Variants in FAM81A observed in about 807,000 individuals in gnomAD.
FAM81A encodes the protein protein FAM81A.
In FAM81A, 19 loss-of-function variants were observed where a neutral mutation model predicts 46.7. The observed-to-expected ratio is 0.41, with a 90% CI of 0.28 to 0.60. The LOEUF (loss-of-function observed/expected upper bound fraction) is 0.60. Ranked by LOEUF, FAM81A falls within the 20% of genes least tolerant of loss-of-function variation. The pLI is 0.34. For missense variants in FAM81A, 377 were observed against 453.5 expected, an observed-to-expected ratio of 0.83 and a Z score of 1.53; for synonymous variants, 183 against 152.9, an observed-to-expected ratio of 1.20 and a Z score of -1.45.
At chr15:59,467,186 T>G (rs750212874) in intron 3 of FAM81A, among the ~76,000 whole-genome samples, 1 of 152,256 alleles carries the variant, frequency 6.6e-6, no homozygotes. Context: ...TCTTGGCAAT[T>G]CAGGCTCTTT....
chr15:59,496,007 A>C (rs1257852644), intron 4 of FAM81A, among the ~76,000 whole-genome samples: 1 of 152,158 alleles, frequency 6.6e-6, no homozygotes, highest in Non-Finnish European at 1.5e-5. Flanking sequence ...GAAACTTAAA[A>C]ATTTTTAATC....
At chr15:59,442,734 G>C (rs1376419640) in intron 1 of FAM81A, among the ~76,000 whole-genome samples, 1 of 150,732 alleles carries the variant, frequency 6.6e-6, no homozygotes, top group African/African-American at 2.4e-5. Flanking sequence ...TACCACACTT[G>C]TTTTACCTTT....
At chr15:59,452,412 C>T (rs539245635) in intron 1 of FAM81A, among the ~76,000 whole-genome samples, 32 of 152,220 alleles carry the variant, frequency 2.1e-4, no homozygotes, top group African/African-American at 6.5e-4. Context: ...TTTGGGAGGC[C>T]AAGGTGGGAG....
At chr15:59,509,114 T>C (rs2141822306) in intron 6 of FAM81A, 145 bp downstream of exon 6, 1 of 618,964 alleles carries the variant, frequency 1.6e-6, no homozygotes, top group Non-Finnish European at 2.7e-6. Flanking sequence ...CCTTGTATCA[T>C]GTTGCCACTT....
rs1227558723 is a variant in FAM81A, at chr15:59,491,965, C to CA, written c.295-296dup. Among the ~76,000 whole-genome samples the CA allele has an allele frequency of 9.9e-3, 1,263 of 128,040 alleles. 16 individuals are homozygous for CA. The highest frequency in any genetic ancestry group is 0.034 in the African/African-American group (1,123 of 33,022). The allele number at this position is 128,040 out of a possible 152,430, so 84.0% of individuals were successfully genotyped here. A position where few individuals can be genotyped will look rare whatever the true frequency, so the allele number is the denominator to read the frequency against. ...TGGGCAACAGAGCAAGACTCCATCT[C>CA]AAAAAAAAAAGAAAAAAGAAAAAAG... On this transcript the variant is annotated intron_variant, in intron 3 of 8. Coordinates refer to ENST00000288228, the MANE Select transcript of FAM81A (RefSeq NM_152450.3).
chr15:59,487,283 T>G (rs1473552637), intron 3 of FAM81A, among the ~76,000 whole-genome samples: 1 of 148,346 alleles, frequency 6.7e-6, no homozygotes, highest in Non-Finnish European at 1.5e-5. Flanking sequence ...TTTTTGCTTG[T>G]TTGTTTGTTT....
At position 59,460,741 on chromosome 15, in the gene FAM81A, G is replaced by T; in HGVS notation, c.294+535G>T. 1 of 195,510 alleles carries T rather than the reference G, an allele frequency of 5.1e-6. No individual in the cohort carries two copies. 12.1% of individuals were successfully genotyped at this position (195,510 alleles called of 1,614,324 possible). ...CCAATATTGTCTATTTTTAGAATTGGTAGATTTACTGCTATTTATTGAGCA... is the reference window on the plus strand; with the variant it reads ...CCAATATTGTCTATTTTTAGAATTGTTAGATTTACTGCTATTTATTGAGCA... On this transcript the variant is annotated intron_variant, in intron 3 of 8. Transcript: ENST00000288228. This position sits in a 1 kb window ranked among gnomAD's most constrained non-coding sequence, Gnocchi z 4.4.
intron 2 of FAM81A, among the ~76,000 whole-genome samples, chr15:59,423,231 T>G (rs1596464810): frequency 6.6e-6 from 1 of 152,070 alleles, no homozygotes; most frequent in Non-Finnish European, 1.5e-5. Flanking sequence ...CCTAGCAGCT[T>G]GGGACTACAG....
chr15:59,472,740 G>A (rs4774332), intron 3 of FAM81A, among the ~76,000 whole-genome samples: 126,869 of 152,040 alleles, frequency 0.83, 53,350 homozygotes, highest in African/African-American at 0.94. Flanking sequence ...TTGTAGAGAC[G>A]GGAGTCTTGG....
intron 3 of FAM81A, among the ~76,000 whole-genome samples, chr15:59,481,781 T>TATG (rs2081854887): frequency 1.3e-5 from 2 of 151,782 alleles, no homozygotes; most frequent in African/African-American, 2.4e-5. Context: ...TGAATATATA[T>TATG]TTTTTGGCAT....
At chr15:59,398,543 G>A (rs568399909) in intron 1 of FAM81A, among the ~76,000 whole-genome samples, 43 of 151,974 alleles carry the variant, frequency 2.8e-4, no homozygotes, top group African/African-American at 9.6e-4. Context: ...TGGATCACTT[G>A]AGGCTACAAG....
At chr15:59,510,427 T>A (rs2082194215) in intron 6 of FAM81A, among the ~76,000 whole-genome samples, 1 of 149,428 alleles carries the variant, frequency 6.7e-6, no homozygotes, top group South Asian at 2.1e-4. Flanking sequence ...AAGCCAAGTC[T>A]AGACACATCA....
chr15:59,519,640 C>T (rs1462665694), intron 8 of FAM81A, among the ~76,000 whole-genome samples: 1 of 137,646 alleles, frequency 7.3e-6, no homozygotes, highest in Non-Finnish European at 1.5e-5. Context: ...TTTTTAGATT[C>T]CACATATGAG....
At chr15:59,417,531 C>T (rs1474495070) in intron 2 of FAM81A, among the ~76,000 whole-genome samples, 1 of 148,568 alleles carries the variant, frequency 6.7e-6, no homozygotes, top group East Asian at 2.0e-4. Flanking sequence ...CATGGTGAAA[C>T]CCCGTCTCTA....
intron 3 of FAM81A, among the ~76,000 whole-genome samples, chr15:59,490,083 C>A (rs1360934938): frequency 1.3e-5 from 2 of 151,752 alleles, no homozygotes; most frequent in African/African-American, 2.4e-5. Flanking sequence ...ATGTAAAAAA[C>A]CTTCACATGT....
chr15:59,468,391 T>C (rs1185152261), intron 3 of FAM81A, among the ~76,000 whole-genome samples: 4 of 152,216 alleles, frequency 2.6e-5, no homozygotes, highest in African/African-American at 9.7e-5. Flanking sequence ...TTAGAGCCTG[T>C]TACTGGTCTA....
chr15:59,511,227 T>A (rs1325787276), intron 6 of FAM81A, among the ~76,000 whole-genome samples: 2 of 152,160 alleles, frequency 1.3e-5, no homozygotes, highest in Non-Finnish European at 2.9e-5. Context: ...AAAGTCAGAT[T>A]TGCAGAGGAT....
chr15:59,484,903 G>A (rs1188129820), intron 3 of FAM81A, among the ~76,000 whole-genome samples: 1 of 152,138 alleles, frequency 6.6e-6, no homozygotes, highest in African/African-American at 2.4e-5. Flanking sequence ...CTGCTCTGAA[G>A]GGTGAGTCCC....
rs1274577464 is a variant in FAM81A, at chr15:59,502,540, G to A, written c.414-4673G>A. 2.7e-5 allele frequency among the ~76,000 whole-genome samples: 4 copies of A among 150,836 alleles called. No individual in the cohort carries two copies. The East Asian group carries it at 7.8e-4, about 29-fold the overall frequency. ...GTGTGTGTGTGTGTTTTGAGACAGA[G>A]TTTCGCTCTGTTGCCTATGCTGGAG... On this transcript the variant is annotated intron_variant, in intron 4 of 8. Coordinates refer to ENST00000288228, the MANE Select transcript of FAM81A (RefSeq NM_152450.3).
Sources: gnomAD v4.1 joint callset for allele counts (sites outside exome capture counted in the v4.1 genomes callset) on GRCh38, gnomAD v4.1.1 for gene constraint, Gnocchi (gnomAD v3.1) non-coding constraint, MANE v1.5 for transcripts, NCBI Gene and HGNC (gene_info 2026-07-23, HGNC 2026-07-21) for gene names.